The following FBXW7 variants were observed in gnomAD, a reference collection of about 807,000 sequenced individuals.
FBXW7 encodes the protein F-box and WD repeat domain containing 7.
In FBXW7, 11 loss-of-function variants were observed where a neutral mutation model predicts 86.3. That is an observed-to-expected ratio of 0.13 (90% CI 0.08 to 0.21). The LOEUF (loss-of-function observed/expected upper bound fraction) is 0.21. Among genes scored for constraint, FBXW7 ranks in the 10% least tolerant of loss-of-function variants. The probability of loss-of-function intolerance (pLI) is 1.00; values close to 1 mark genes in which losing one functional copy is unlikely to be tolerated. For synonymous variants in FBXW7, 313 were observed against 297.9 expected (o/e 1.05, Z -0.52); for missense variants, 488 against 847.4 (o/e 0.58, Z 5.27).
rs1285658483 is a variant in FBXW7 at position 152,535,717 on chromosome 4, A to C, written c.-803T>G. The C allele has an allele frequency of 2.5e-6, 1 of 394,950 alleles. No individual in the cohort carries two copies. Among genetic ancestry groups the C allele is most frequent in the Non-Finnish European group, 4.5e-6 (1 of 223,612 alleles). The allele number at this position is 394,950 out of a possible 1,614,324, so 24.5% of individuals were successfully genotyped here. A position where few individuals can be genotyped will look rare whatever the true frequency, so the allele number is the denominator to read the frequency against. On this transcript the variant is annotated 5_prime_UTR_variant, in exon 1 of 14. Coordinates refer to ENST00000281708, the MANE Select transcript of FBXW7 (RefSeq NM_001349798.2). ...CCCACGCCCCACGGGACGAGGCAGAAGCTCTGGCGCCTCCTCAGCGTTCTC... is the reference window on the plus strand; with the variant it reads ...CCCACGCCCCACGGGACGAGGCAGACGCTCTGGCGCCTCCTCAGCGTTCTC...
intron 10 of FBXW7, chr4:152,328,780 T>C (rs1174596033): frequency 1.9e-5 from 3 of 155,158 alleles, no homozygotes; most frequent in African/African-American, 7.2e-5. Context: ...GTATTGGGTG[T>C]GGCTACATAC....
In FBXW7 at chr4:152,322,122, T is replaced by C; in HGVS notation, c.*759A>G. On this transcript the variant is annotated 3_prime_UTR_variant, in exon 14 of 14. Transcript: ENST00000281708. Reference sequence around the variant, plus strand: ...ATAAGTTTGGCCACTGGGAGTACAGTACAGGGTTGGGACAACAATCCCATA... The same window carrying C: ...ATAAGTTTGGCCACTGGGAGTACAGCACAGGGTTGGGACAACAATCCCATA... 1 of 233,156 alleles carries C rather than the reference T, an allele frequency of 4.3e-6. No individual in the cohort carries two copies. The highest frequency in any genetic ancestry group is 6.0e-5 in the East Asian group (1 of 16,574). The allele number at this position is 233,156 out of a possible 1,614,324, so 14.4% of individuals were successfully genotyped here. A position where few individuals can be genotyped will look rare whatever the true frequency, so the allele number is the denominator to read the frequency against.
intron 4 of FBXW7, among the ~76,000 whole-genome samples, chr4:152,391,446 A>C (rs1172835057): frequency 1.3e-5 from 2 of 152,190 alleles, no homozygotes; most frequent in Admixed American, 1.3e-4. Flanking sequence ...ATCAAGAAAA[A>C]TTAGAAACAA....
intron 6 of FBXW7, among the ~76,000 whole-genome samples, chr4:152,345,069 T>C (rs1305732896): frequency 6.6e-6 from 1 of 152,180 alleles, no homozygotes; most frequent in Non-Finnish European, 1.5e-5. Context: ...CATGGCAACA[T>C]ACAACCATAT....
At chr4:152,466,849 G>A (rs1437446330) in intron 2 of FBXW7, among the ~76,000 whole-genome samples, 1 of 151,794 alleles carries the variant, frequency 6.6e-6, no homozygotes, top group Non-Finnish European at 1.5e-5. Context: ...GGCTGAGGCA[G>A]GAGAATGGCG....
intron 10 of FBXW7, 59 bp downstream of exon 10, chr4:152,329,613 T>C: frequency 2.6e-6 from 2 of 770,388 alleles, no homozygotes; most frequent in Non-Finnish European, 4.1e-6. Context: ...TTCCAGTTGC[T>C]ACTTGCAATG....
chr4:152,454,817 T>C (rs892848734), intron 2 of FBXW7, among the ~76,000 whole-genome samples: 1 of 152,106 alleles, frequency 6.6e-6, no homozygotes, highest in Non-Finnish European at 1.5e-5. Flanking sequence ...GTAAGTTGTA[T>C]CCACTAATAA....
intron 2 of FBXW7, among the ~76,000 whole-genome samples, chr4:152,443,443 A>G (rs1741087531): frequency 6.6e-6 from 1 of 152,262 alleles, no homozygotes; most frequent in Non-Finnish European, 1.5e-5. Context: ...TTTAAAATAA[A>G]TACACAAATT....
intron 2 of FBXW7, among the ~76,000 whole-genome samples, chr4:152,469,604 T>C (rs1743771751): frequency 6.6e-6 from 1 of 152,098 alleles, no homozygotes; most frequent in African/African-American, 2.4e-5. Flanking sequence ...AAATCTGTAT[T>C]AGTGTTTTCA....
chr4:152,502,447 T>G (rs866733534), intron 2 of FBXW7, among the ~76,000 whole-genome samples: 5 of 152,196 alleles, frequency 3.3e-5, no homozygotes, highest in Non-Finnish European at 5.9e-5. Flanking sequence ...TACTCATCAA[T>G]CTAACACCGT....
chr4:152,456,367 A>C (rs1447599109), intron 2 of FBXW7, among the ~76,000 whole-genome samples: 1 of 147,036 alleles, frequency 6.8e-6, no homozygotes, highest in African/African-American at 2.5e-5. Context: ...CCTTAAAAAA[A>C]AAAAAAAAAA....
rs146981801 is a variant in FBXW7, at chr4:152,417,904, G to T, written c.-119-5375C>A. ...TACTAGAATGGGGATTGCTCCAAAG[G>T]ACAATAGGAGGGTAGTAGGGTGGGG... On this transcript the variant is annotated intron_variant, in intron 2 of 13. Transcript: ENST00000281708. 5.8e-3 allele frequency among the ~76,000 whole-genome samples: 876 copies of T among 152,132 alleles called. 8 individuals carry two copies. Among genetic ancestry groups the T allele is most frequent in the African/African-American group, 0.018 (739 of 41,500 alleles).
intron 7 of FBXW7, among the ~76,000 whole-genome samples, chr4:152,334,531 ATTCTT>A (rs1159729968): frequency 7.9e-5 from 12 of 152,208 alleles, no homozygotes; most frequent in Admixed American, 5.9e-4. Context: ...GAAAAAGTCT[ATTCTT>A]TTCTTTGCTT....
At chr4:152,424,693 A>G (rs1299154676) in intron 2 of FBXW7, among the ~76,000 whole-genome samples, 1 of 152,214 alleles carries the variant, frequency 6.6e-6, no homozygotes, top group Non-Finnish European at 1.5e-5. Flanking sequence ...AAGGAATTCA[A>G]ATTTAATTCA....
At chr4:152,473,029 A>G (rs906537792) in intron 2 of FBXW7, among the ~76,000 whole-genome samples, 2 of 152,154 alleles carry the variant, frequency 1.3e-5, no homozygotes, top group African/African-American at 4.8e-5. Context: ...TTCCCGTAAA[A>G]TCTTGCTAAT....
At chr4:152,509,286 A>G (rs746720471) in intron 2 of FBXW7, among the ~76,000 whole-genome samples, 2 of 152,194 alleles carry the variant, frequency 1.3e-5, no homozygotes, top group East Asian at 1.9e-4. Flanking sequence ...CTGTCACTGC[A>G]TAAGATGTTA....
chr4:152,446,109 A>G (rs573647664), intron 2 of FBXW7, among the ~76,000 whole-genome samples: 32 of 152,256 alleles, frequency 2.1e-4, no homozygotes, highest in Middle Eastern at 3.4e-3. Flanking sequence ...CGTGTTTACT[A>G]AAAAATATCC....
At chr4:152,524,925 A>G (rs991935364) in intron 2 of FBXW7, among the ~76,000 whole-genome samples, 1 of 152,198 alleles carries the variant, frequency 6.6e-6, no homozygotes, top group Non-Finnish European at 1.5e-5. Flanking sequence ...GCAGTCAATT[A>G]AGAGACCACC....
chr4:152,459,722 G>A (rs904110072), intron 2 of FBXW7, among the ~76,000 whole-genome samples: 8 of 152,046 alleles, frequency 5.3e-5, no homozygotes, highest in African/African-American at 7.2e-5. Flanking sequence ...ATACTTATTA[G>A]TTTAATCTGT....
Sources: gnomAD v4.1 joint callset for allele counts (sites outside exome capture counted in the v4.1 genomes callset) on GRCh38, gnomAD v4.1.1 for gene constraint, MANE v1.5 for transcripts, NCBI Gene and HGNC (gene_info 2026-07-23, HGNC 2026-07-21) for gene names.